KCNAB1: variants seen among roughly 807,000 people sequenced by gnomAD.
KCNAB1 encodes voltage-gated potassium channel subunit beta-1.
Under a neutral mutation model 64.6 loss-of-function variants are expected in KCNAB1, and 35 were observed. The ratio of observed to expected loss-of-function variants is 0.54; its 90% CI spans 0.41 to 0.72. The LOEUF (loss-of-function observed/expected upper bound fraction) is 0.72, where lower values mean the gene tolerates loss of function less well. KCNAB1 is among the 30% of genes least tolerant of loss of function. The probability of loss-of-function intolerance (pLI) is 0.00; values close to 1 mark genes in which losing one functional copy is unlikely to be tolerated. For synonymous variants in KCNAB1, 177 were observed against 183.8 expected (o/e 0.96, Z 0.30); for missense variants, 401 against 512.9 (o/e 0.78, Z 2.11).
At chr3:156,143,201 G>A in intron 1 of KCNAB1, 2 of 1,611,748 alleles carry the variant, frequency 1.2e-6, no homozygotes, top group Non-Finnish European at 1.7e-6. Flanking sequence ...AAACCTGCCT[G>A]TGCAGACATC....
intron 1 of KCNAB1, among the ~76,000 whole-genome samples, chr3:156,327,644 A>T (rs1323600490): frequency 1.3e-5 from 2 of 152,188 alleles, no homozygotes; most frequent in Non-Finnish European, 2.9e-5. Flanking sequence ...AATTGGAAAT[A>T]TGAACAAATA....
intron 1 of KCNAB1, among the ~76,000 whole-genome samples, chr3:156,414,997 C>T (rs765895721): frequency 7.9e-5 from 12 of 152,178 alleles, no homozygotes; most frequent in Non-Finnish European, 1.5e-4. Context: ...CCTCTTTTAT[C>T]TGTCTTCATC....
chr3:156,131,782 G>A (rs1056357278), intron 1 of KCNAB1, among the ~76,000 whole-genome samples: 7 of 152,342 alleles, frequency 4.6e-5, no homozygotes, highest in South Asian at 2.1e-4. Context: ...ATGCAAGTCC[G>A]ACCAGGGGTG....
chr3:156,181,245 A>G (rs1193858072), intron 1 of KCNAB1, among the ~76,000 whole-genome samples: 2 of 152,200 alleles, frequency 1.3e-5, no homozygotes, highest in Non-Finnish European at 2.9e-5. Flanking sequence ...CCAGCCCATG[A>G]CAGATGGGTA....
At chr3:156,362,016 C>T (rs80032647) in intron 1 of KCNAB1, among the ~76,000 whole-genome samples, 2,499 of 152,266 alleles carry the variant, frequency 0.016, 56 homozygotes, top group African/African-American at 0.057. Flanking sequence ...CTGTGCCAAA[C>T]GTTGTTCTAG....
chr3:156,531,051 A>T (rs750613002), intron 12 of KCNAB1, among the ~76,000 whole-genome samples: 55 of 152,172 alleles, frequency 3.6e-4, no homozygotes, highest in Non-Finnish European at 7.8e-4. Flanking sequence ...TAATTAAGAG[A>T]CATATAGTAG....
intron 1 of KCNAB1, among the ~76,000 whole-genome samples, chr3:156,404,442 G>A (rs368103634): frequency 2.6e-5 from 4 of 152,294 alleles, no homozygotes; most frequent in African/African-American, 9.6e-5. Flanking sequence ...ATGATGGATT[G>A]TCTGTGCCCA....
Position 156,362,839 on chromosome 3 carries a change from G to A in KCNAB1, c.276-58777G>A, listed in dbSNP as rs73873333. Reference sequence around the variant, plus strand: ...TACAAATTTGAATAAGTTATCTAAAGTATGGTCTTCTATTGGTAAATTCAT... The same window carrying A: ...TACAAATTTGAATAAGTTATCTAAAATATGGTCTTCTATTGGTAAATTCAT... On this transcript the variant is annotated intron_variant, in intron 1 of 13. Transcript: ENST00000490337. Among the ~76,000 whole-genome samples, 1,489 of 152,292 alleles carry A rather than the reference G, an allele frequency of 9.8e-3. 23 individuals are homozygous for A. The highest frequency in any genetic ancestry group is 0.033 in the African/African-American group (1,391 of 41,554).
At chr3:156,263,109 A>G (rs1310676324) in intron 1 of KCNAB1, among the ~76,000 whole-genome samples, 2 of 151,562 alleles carry the variant, frequency 1.3e-5, no homozygotes, top group East Asian at 3.9e-4. Flanking sequence ...ATTTTATCTT[A>G]TTTTCCCATT....
At chr3:156,523,499 G>A (rs545725937) in intron 11 of KCNAB1, among the ~76,000 whole-genome samples, 12 of 152,144 alleles carry the variant, frequency 7.9e-5, no homozygotes, top group African/African-American at 2.7e-4. Context: ...CTAAAGTTGG[G>A]CTATCCCAAT....
intron 4 of KCNAB1, among the ~76,000 whole-genome samples, chr3:156,458,381 A>G (rs1388232453): frequency 6.6e-6 from 1 of 152,224 alleles, no homozygotes; most frequent in Non-Finnish European, 1.5e-5. Flanking sequence ...AGAACCAAGG[A>G]AACTAAATAG....
chr3:156,318,167 G>C (rs575762807), intron 1 of KCNAB1, among the ~76,000 whole-genome samples: 107 of 152,320 alleles, frequency 7.0e-4, no homozygotes, highest in African/African-American at 2.5e-3. Flanking sequence ...TCAAGTGAGA[G>C]ACAATAGGAC....
chr3:156,155,266 A>C (rs1382825738), intron 1 of KCNAB1, among the ~76,000 whole-genome samples: 4 of 152,182 alleles, frequency 2.6e-5, no homozygotes, highest in Non-Finnish European at 5.9e-5. Context: ...TTGAGTGCTC[A>C]CCTTGAGTTA....
At chr3:156,395,431 G>C (rs1298017681) in intron 1 of KCNAB1, among the ~76,000 whole-genome samples, 1 of 148,482 alleles carries the variant, frequency 6.7e-6, no homozygotes, top group East Asian at 2.0e-4. Context: ...TGTAGTCCCA[G>C]CTACTTGGGA....
intron 1 of KCNAB1, among the ~76,000 whole-genome samples, chr3:156,247,738 A>G (rs141690038): frequency 6.6e-6 from 1 of 151,906 alleles, no homozygotes; most frequent in East Asian, 1.9e-4. Flanking sequence ...AATTTTTTGT[A>G]TTTTTTTAGT....
rs1056006374 is a variant in KCNAB1 at position 156,354,829 on chromosome 3, A to G, written c.276-66787A>G. Among the ~76,000 whole-genome samples the G allele has an allele frequency of 2.6e-5, 4 of 152,278 alleles. 1 individual carries two copies. In the South Asian group the frequency reaches 8.3e-4, roughly 32 times the overall value. On this transcript the variant is annotated intron_variant, in intron 1 of 13. Transcript: ENST00000490337. ...CGTTCCAGAAAAACTAAGGCGTTACAACTTGCAATGTATCTGGTTTGACTC... is the reference window on the plus strand; with the variant it reads ...CGTTCCAGAAAAACTAAGGCGTTACGACTTGCAATGTATCTGGTTTGACTC...
chr3:156,235,184 G>A (rs994103828), intron 1 of KCNAB1, among the ~76,000 whole-genome samples: 7 of 152,178 alleles, frequency 4.6e-5, no homozygotes, highest in Admixed American at 2.6e-4. Context: ...CTCTACTCTC[G>A]TTCAAGCTTG....
At chr3:156,367,786 T>C (rs911467113) in intron 1 of KCNAB1, among the ~76,000 whole-genome samples, 2 of 152,210 alleles carry the variant, frequency 1.3e-5, no homozygotes, top group East Asian at 1.9e-4. Flanking sequence ...AGGAACTCTG[T>C]CACAAATTCA....
intron 1 of KCNAB1, among the ~76,000 whole-genome samples, chr3:156,147,980 A>AC (rs1715152474): frequency 9.8e-6 from 1 of 102,018 alleles, no homozygotes; most frequent in African/African-American, 4.0e-5. Flanking sequence ...CGCACACACA[A>AC]ACACACACCG....
Sources: allele counts gnomAD v4.1 joint callset (sites outside exome capture counted in the v4.1 genomes callset), GRCh38; gene constraint gnomAD v4.1.1; transcripts MANE v1.5; gene names NCBI Gene and HGNC (gene_info 2026-07-23, HGNC 2026-07-21).